OPCML: variants seen among roughly 807,000 people sequenced by gnomAD.
OPCML encodes the protein opioid-binding protein/cell adhesion molecule.
A neutral mutation model predicts 37.8 loss-of-function variants in OPCML; 13 were observed. The observed-to-expected ratio is 0.34, with a 90% CI of 0.22 to 0.55. OPCML has a LOEUF of 0.55. Ranked by LOEUF, OPCML falls within the 20% of genes least tolerant of loss-of-function variation. The pLI is 0.91. For missense variants in OPCML, 341 were observed against 435.6 expected, an observed-to-expected ratio of 0.78 and a Z score of 1.93; for synonymous variants, 176 against 168.8, an observed-to-expected ratio of 1.04 and a Z score of -0.33.
chr11:132,579,518 G>T (rs2096458053), intron 3 of OPCML, among the ~76,000 whole-genome samples: 2 of 152,072 alleles, frequency 1.3e-5, no homozygotes, highest in South Asian at 2.1e-4. Context: ...GTAACTGGGG[G>T]TGTGCAGAAA....
At chr11:133,013,147 G>A (rs1947252978) in intron 1 of OPCML, among the ~76,000 whole-genome samples, 1 of 152,158 alleles carries the variant, frequency 6.6e-6, no homozygotes, top group Admixed American at 6.5e-5. Context: ...TTCCGGTGGA[G>A]CCCACTTAAC....
chr11:133,283,128 A>G (rs1325633654), intron 1 of OPCML, among the ~76,000 whole-genome samples: 2 of 152,140 alleles, frequency 1.3e-5, no homozygotes, highest in Non-Finnish European at 1.5e-5. Context: ...ATGTGAGAAG[A>G]ACATGATATT....
chr11:133,439,689 G>T (rs201474082), intron 1 of OPCML, among the ~76,000 whole-genome samples: 5 of 151,800 alleles, frequency 3.3e-5, no homozygotes, highest in Non-Finnish European at 7.4e-5. Flanking sequence ...GGATGGTCTC[G>T]ATCTCCTGAC....
At chr11:133,287,773 G>T (rs1942345767) in intron 1 of OPCML, among the ~76,000 whole-genome samples, 1 of 152,120 alleles carries the variant, frequency 6.6e-6, no homozygotes, top group Non-Finnish European at 1.5e-5. Flanking sequence ...CTCAAGCAGG[G>T]CTGGCCATTC....
intron 1 of OPCML, among the ~76,000 whole-genome samples, chr11:132,948,270 T>C (rs959097825): frequency 1.3e-5 from 2 of 152,188 alleles, no homozygotes; most frequent in Admixed American, 1.3e-4. Context: ...GCACCAGGGT[T>C]GGTCAGGAGG....
intron 2 of OPCML, among the ~76,000 whole-genome samples, chr11:132,734,974 G>T (rs1007134890): frequency 6.6e-6 from 1 of 152,130 alleles, no homozygotes; most frequent in African/African-American, 2.4e-5. Flanking sequence ...ACTATCGCCT[G>T]CAACATATAA....
rs1943510706 is a variant in OPCML, at chr11:133,327,771, T to C, written c.61+204493A>G. On this transcript the variant is annotated intron_variant, in intron 1 of 7. Transcript: ENST00000524381. ...TGACTGTTCAATGTTCCCTGGTATG[T>C]TGGGGTTGCAGCAGAGTTCGGGGAC... Among the ~76,000 whole-genome samples, 3 of 152,226 alleles carry C rather than the reference T, an allele frequency of 2.0e-5. No homozygotes were observed. In the South Asian group the frequency reaches 6.2e-4, roughly 32 times the overall value.
At chr11:132,831,888 A>C (rs1347896546) in intron 2 of OPCML, among the ~76,000 whole-genome samples, 1 of 152,026 alleles carries the variant, frequency 6.6e-6, no homozygotes, top group Non-Finnish European at 1.5e-5. Context: ...AACAGCAATC[A>C]CTTTGTCTTT....
intron 1 of OPCML, among the ~76,000 whole-genome samples, chr11:133,097,931 ATTT>A (rs1949028022): frequency 6.6e-6 from 1 of 152,222 alleles, no homozygotes. Flanking sequence ...ATTCTACTAC[ATTT>A]TTAAGGAAGA....
chr11:133,270,325 A>T (rs1565540186), intron 1 of OPCML, among the ~76,000 whole-genome samples: 1 of 152,138 alleles, frequency 6.6e-6, no homozygotes, highest in Non-Finnish European at 1.5e-5. Flanking sequence ...ATGGGAAATT[A>T]TTCTGCTAGG....
At chr11:133,296,783 T>C (rs146880303) in intron 1 of OPCML, among the ~76,000 whole-genome samples, 135 of 152,336 alleles carry the variant, frequency 8.9e-4, no homozygotes, top group African/African-American at 3.1e-3. Flanking sequence ...TGTGATGTCA[T>C]TGGTAGAAAT....
intron 1 of OPCML, among the ~76,000 whole-genome samples, chr11:133,491,258 C>T (rs757298692): frequency 3.9e-5 from 6 of 152,176 alleles, no homozygotes; most frequent in Non-Finnish European, 7.3e-5. Context: ...CCAGGGCTCA[C>T]GTCCCACCTA....
rs1005630060 is a variant in OPCML, at chr11:133,212,552, C to A, written c.62-269542G>T. 1.3e-5 allele frequency among the ~76,000 whole-genome samples: 2 copies of A among 152,228 alleles called. No homozygotes were observed. Among genetic ancestry groups the A allele is most frequent in the African/African-American group, 2.4e-5 (1 of 41,472 alleles). On this transcript the variant is annotated intron_variant, in intron 1 of 7. Coordinates refer to ENST00000524381, the MANE Select transcript of OPCML (RefSeq NM_001012393.5). The surrounding 1 kb of genome is among the most constrained non-coding windows in gnomAD (Gnocchi z 4.9). The stretch of plus-strand genomic sequence containing the variant: ...TATTGAAGTTGTAACCTACTCTGCT[C>A]ACCCCGCTGCACTCTTGATCTCCCT...
At chr11:132,808,805 C>T (rs79203152) in intron 2 of OPCML, among the ~76,000 whole-genome samples, 1,680 of 152,248 alleles carry the variant, frequency 0.011, 30 homozygotes, top group African/African-American at 0.038. Context: ...CATTGATTAT[C>T]CTATTAATAG....
At chr11:132,794,009 T>G (rs1189128037) in intron 2 of OPCML, among the ~76,000 whole-genome samples, 2 of 152,326 alleles carry the variant, frequency 1.3e-5, no homozygotes, top group East Asian at 1.9e-4. Flanking sequence ...AGGCACCAGT[T>G]TCCACTCATG....
intron 1 of OPCML, among the ~76,000 whole-genome samples, chr11:133,204,565 C>T (rs1409475703): frequency 6.6e-6 from 1 of 152,270 alleles, no homozygotes; most frequent in Non-Finnish European, 1.5e-5. Context: ...CAGAACTATG[C>T]AAACAGTGAG....
At chr11:132,925,104 C>T (rs1944942841) in intron 2 of OPCML, among the ~76,000 whole-genome samples, 2 of 152,176 alleles carry the variant, frequency 1.3e-5, no homozygotes, top group East Asian at 3.8e-4. Context: ...ATTTTCTTTC[C>T]AGCATTCCTT....
intron 3 of OPCML, among the ~76,000 whole-genome samples, chr11:132,615,964 G>A (rs561880429): frequency 6.6e-6 from 1 of 152,294 alleles, no homozygotes; most frequent in Admixed American, 6.5e-5. Context: ...AAAGGACGGA[G>A]AGCCAATGAA....
chr11:133,256,430 G>A (rs1205738429), intron 1 of OPCML, among the ~76,000 whole-genome samples: 2 of 152,188 alleles, frequency 1.3e-5, no homozygotes, highest in African/African-American at 4.8e-5. Context: ...TGTTCATAAT[G>A]TGTATGTAAT....
Sources: allele counts gnomAD v4.1 joint callset (sites outside exome capture counted in the v4.1 genomes callset), GRCh38; gene constraint gnomAD v4.1.1; non-coding constraint Gnocchi (gnomAD v3.1); transcripts MANE v1.5; gene names NCBI Gene and HGNC (gene_info 2026-07-23, HGNC 2026-07-21).